The following MNDA variants were observed in gnomAD, a reference collection of about 807,000 sequenced individuals.
MNDA encodes the protein myeloid cell nuclear differentiation antigen, also known as epididymis secretory sperm binding protein.
MNDA carries 43 observed loss-of-function variants against 37.8 expected under a neutral mutation model. That is an observed-to-expected ratio of 1.14 (90% CI 0.89 to 1.47). MNDA has a LOEUF of 1.47. Ranked by LOEUF, MNDA falls within the 40% of genes most tolerant of loss-of-function variation. The pLI is 0.00. For synonymous variants in MNDA, 181 were observed against 169.0 expected (o/e 1.07, Z -0.55); for missense variants, 536 against 476.0 (o/e 1.13, Z -1.17).
At chr1:158,841,228 T>C (rs1457687997) in intron 1 of MNDA, among the ~76,000 whole-genome samples, 1 of 151,976 alleles carries the variant, frequency 6.6e-6, no homozygotes, top group Non-Finnish European at 1.5e-5. Flanking sequence ...GAGCATAAGG[T>C]ATAAGAAATT....
At chr1:158,840,442 T>C (rs965803426) in intron 1 of MNDA, among the ~76,000 whole-genome samples, 1 of 152,146 alleles carries the variant, frequency 6.6e-6, no homozygotes, top group African/African-American at 2.4e-5. Flanking sequence ...ACCATAGATC[T>C]CATGAGAACT....
intron 1 of MNDA, among the ~76,000 whole-genome samples, chr1:158,835,809 G>A (rs1658900185): frequency 6.6e-6 from 1 of 151,690 alleles, no homozygotes; most frequent in Non-Finnish European, 1.5e-5. Flanking sequence ...CCTATTCTTC[G>A]TTTACTGAGT....
chr1:158,836,899 T>G (rs1342400494), intron 1 of MNDA, among the ~76,000 whole-genome samples: 1 of 151,868 alleles, frequency 6.6e-6, no homozygotes, highest in East Asian at 1.9e-4. Flanking sequence ...TGAAATGATA[T>G]GTTGTGTTTC....
intron 1 of MNDA, among the ~76,000 whole-genome samples, chr1:158,834,971 C>T (rs1658878916): frequency 6.6e-6 from 1 of 152,248 alleles, no homozygotes; most frequent in South Asian, 2.1e-4. Context: ...TTCCATTGTT[C>T]TTTATGTCTG....
At position 158,849,234 on chromosome 1, in the gene MNDA, T is replaced by C; in HGVS notation, c.1221T>C (p.Asn407=). Residue 407 remains asparagine (N), a synonymous_variant, in exon 7 of 7, where the codon AAT becomes AAC. Transcript: ENST00000368141. ...KKNKEGPMNV[N] is the part of the protein sequence containing the mutation. Reference sequence around the variant, plus strand: ...ACAAGGAAGGACCAATGAATGTTAATTGAAATATGAAAGCTGAAATGCAAC... The same window carrying C: ...ACAAGGAAGGACCAATGAATGTTAACTGAAATATGAAAGCTGAAATGCAAC... The C allele has an allele frequency of 3.1e-6, 5 of 1,611,888 alleles. No homozygotes were observed. The highest frequency in any genetic ancestry group is 4.2e-6 in the Non-Finnish European group (5 of 1,178,664).
intron 2 of MNDA, chr1:158,842,857 G>A (rs559823896): frequency 1.1e-5 from 2 of 175,532 alleles, no homozygotes; most frequent in African/African-American, 2.4e-5. Context: ...TTAGCACTTT[G>A]CCACATTACA....
chr1:158,842,506 C>T (rs1659049432), intron 2 of MNDA, 88 bp downstream of exon 2: 2 of 1,397,934 alleles, frequency 1.4e-6, no homozygotes, highest in East Asian at 4.6e-5. Flanking sequence ...GCTGGTACAT[C>T]CCTTTTCCAA....
At position 158,843,302 on chromosome 1, in the gene MNDA, G is replaced by T; in HGVS notation, c.289G>T (p.Glu97Ter). ...SKVAKKIKTQEKAPVKKINQE... is the reference protein window; with the variant it reads ...SKVAKKIKTQ ...AGTTGCTAAGAAAATTAAAACACAAGAAAAAGCTCCAGTGAAAAAAATAAA... is the reference window on the plus strand; with the variant it reads ...AGTTGCTAAGAAAATTAAAACACAATAAAAAGCTCCAGTGAAAAAAATAAA... The change falls in exon 3 of 7, where the codon GAA (glutamate) becomes TAA (stop). Residue 97 changes from glutamate (E) to a stop codon, truncating the protein, a stop_gained. Coordinates refer to ENST00000368141, the MANE Select transcript of MNDA (RefSeq NM_002432.3). LOFTEE classifies it high-confidence loss of function. 2 of 1,610,298 alleles carry T rather than the reference G, an allele frequency of 1.2e-6. No individual in the cohort carries two copies. The highest frequency in any genetic ancestry group is 1.7e-6 in the Non-Finnish European group (2 of 1,178,530).
chr1:158,839,476 C>T (rs1459123704), intron 1 of MNDA, among the ~76,000 whole-genome samples: 2 of 152,320 alleles, frequency 1.3e-5, no homozygotes, highest in Middle Eastern at 3.4e-3. Flanking sequence ...CTCTCACAAG[C>T]TGGAGCACCC....
intron 1 of MNDA, 46 bp from the exon 2 acceptor site, chr1:158,842,088 T>C (rs1659037803): frequency 1.3e-6 from 2 of 1,491,140 alleles, no homozygotes; most frequent in South Asian, 1.3e-5. Context: ...TTTTTTAAAA[T>C]TGTCTGCATA....
At chr1:158,842,489 G>T in intron 2 of MNDA, 71 bp downstream of exon 2, 15 of 1,476,178 alleles carry the variant, frequency 1.0e-5, no homozygotes, top group Non-Finnish European at 1.4e-5. Flanking sequence ...ACCCCACCTT[G>T]GTCATAGCTG....
At chr1:158,840,585 C>T (rs1223858202) in intron 1 of MNDA, among the ~76,000 whole-genome samples, 1 of 152,150 alleles carries the variant, frequency 6.6e-6, no homozygotes, top group Non-Finnish European at 1.5e-5. Context: ...TCCCTGCTAA[C>T]TCTCATCCCT....
chr1:158,848,019 G>C (rs935565483), intron 6 of MNDA, 103 bp downstream of exon 6: 1 of 1,040,372 alleles, frequency 9.6e-7, no homozygotes, highest in African/African-American at 1.6e-5. Flanking sequence ...AGAGTCCAGC[G>C]AGTGGAAGGA....
intron 1 of MNDA, among the ~76,000 whole-genome samples, chr1:158,834,428 T>C (rs1658869337): frequency 6.6e-6 from 1 of 152,096 alleles, no homozygotes; most frequent in Non-Finnish European, 1.5e-5. Flanking sequence ...AGAAGGGGTT[T>C]CACCGTGTTT....
At position 158,847,919 on chromosome 1, in the gene MNDA, G is replaced by T. The variant is rs371169311; in HGVS notation, c.1176+3G>T. On this transcript the variant is annotated splice_donor_region_variant and intron_variant, in intron 6 of 6. Coordinates refer to ENST00000368141, the MANE Select transcript of MNDA (RefSeq NM_002432.3). ...GTGGAAGTCACAGCTTCATCAAGGT[G>T]GGAACTGGATAGAGGAGAATGAGTT... 3.2e-5 allele frequency: 51 copies of T among 1,612,810 alleles called. No individual in the cohort carries two copies. Among genetic ancestry groups the T allele is most frequent in the Non-Finnish European group, 4.2e-5 (50 of 1,179,326 alleles).
At chr1:158,835,209 T>C (rs1240446993) in intron 1 of MNDA, among the ~76,000 whole-genome samples, 1 of 152,196 alleles carries the variant, frequency 6.6e-6, no homozygotes, top group Non-Finnish European at 1.5e-5. Context: ...ATGCAGTTCC[T>C]TGGGTATTGA....
At position 158,844,086 on chromosome 1, in the gene MNDA, C is replaced by T. The variant is rs751846194; in HGVS notation, c.534C>T (p.Thr178=). Residue 178 remains threonine, a synonymous_variant, in exon 4 of 7, where the codon ACC becomes ACT. Transcript: ENST00000368141. ...TGGATCATCCCCCACTACCCCAGAC[C>T]TCATCATCAACTCCATCCAACACTT... The part of the protein sequence containing the change: ...AAVDHPPLPQ[T]SSSTPSNTSF... 24 of 1,605,134 alleles carry T rather than the reference C, an allele frequency of 1.5e-5. No homozygotes were observed. The highest frequency in any genetic ancestry group is 2.2e-5 in the East Asian group (1 of 44,764).
intron 1 of MNDA, among the ~76,000 whole-genome samples, chr1:158,840,688 TA>T (rs1365679088): frequency 2.0e-5 from 3 of 152,210 alleles, no homozygotes; most frequent in Non-Finnish European, 2.9e-5. Flanking sequence ...CAGTACTATG[TA>T]AAAATTACTT....
chr1:158,842,902 G>A (rs1174038206), intron 2 of MNDA, among the ~76,000 whole-genome samples: 1 of 152,006 alleles, frequency 6.6e-6, no homozygotes, highest in African/African-American at 2.4e-5. Context: ...TCATATTTCT[G>A]TCATTTGAAC....
Sources: gnomAD v4.1 joint callset for allele counts (sites outside exome capture counted in the v4.1 genomes callset) on GRCh38, gnomAD v4.1.1 for gene constraint, MANE v1.5 for transcripts, NCBI Gene and HGNC (gene_info 2026-07-23, HGNC 2026-07-21) for gene names.